The following FBXL20 variants were observed in gnomAD, a reference collection of about 807,000 sequenced individuals.
The protein encoded by FBXL20 is F-box/LRR-repeat protein 20.
In FBXL20, 11 loss-of-function variants were observed where a neutral mutation model predicts 64.0. The observed-to-expected ratio is 0.17, with a 90% CI of 0.11 to 0.28. The LOEUF (loss-of-function observed/expected upper bound fraction) is 0.28, where lower values mean the gene tolerates loss of function less well. FBXL20 is among the 10% of genes least tolerant of loss of function. The probability of loss-of-function intolerance (pLI) is 1.00; values close to 1 mark genes in which losing one functional copy is unlikely to be tolerated. For synonymous variants in FBXL20, 184 were observed against 189.0 expected, an observed-to-expected ratio of 0.97 and a Z score of 0.22; for missense variants, 303 against 526.2, an observed-to-expected ratio of 0.58 and a Z score of 4.15.
At chr17:39,315,802 T>G (rs2047282163) in intron 2 of FBXL20, among the ~76,000 whole-genome samples, 1 of 128,132 alleles carries the variant, frequency 7.8e-6, no homozygotes, top group African/African-American at 2.7e-5. Context: ...GAAGAGGGGA[T>G]CTTTGAGAGA....
chr17:39,299,651 G>T (rs1010915373), intron 4 of FBXL20, among the ~76,000 whole-genome samples: 1 of 152,008 alleles, frequency 6.6e-6, no homozygotes, highest in African/African-American at 2.4e-5. Context: ...CGTGATGGTG[G>T]GTGCCTGTAG....
At chr17:39,281,300 T>C (rs1202516353) in intron 9 of FBXL20, 89 bp downstream of exon 9, 2 of 1,160,406 alleles carry the variant, frequency 1.7e-6, no homozygotes, top group African/African-American at 1.5e-5. Context: ...ACAATACTGG[T>C]CTTGATGACT....
chr17:39,402,064 G>T, upstream of FBXL20: 3 of 1,001,756 alleles, frequency 3.0e-6, no homozygotes, highest in Non-Finnish European at 3.9e-6. Flanking sequence ...TGCCTGCACA[G>T]AACCTCAGCC....
chr17:39,386,477 A>G (rs535683287), intron 1 of FBXL20, among the ~76,000 whole-genome samples: 2 of 151,958 alleles, frequency 1.3e-5, no homozygotes, highest in East Asian at 3.9e-4. Context: ...TACAAAAATT[A>G]GCTGGAAGTG....
intron 6 of FBXL20, among the ~76,000 whole-genome samples, chr17:39,291,172 A>G (rs1340756696): frequency 1.3e-5 from 2 of 151,714 alleles, no homozygotes; most frequent in African/African-American, 4.8e-5. Context: ...CATGTTAGCC[A>G]GGATGGTCTC....
intron 2 of FBXL20, among the ~76,000 whole-genome samples, chr17:39,315,877 G>A (rs1455670287): frequency 1.4e-5 from 2 of 146,870 alleles, no homozygotes; most frequent in African/African-American, 2.5e-5. Flanking sequence ...GAGAGCAACT[G>A]TAGAGCGAAA....
intron 6 of FBXL20, among the ~76,000 whole-genome samples, chr17:39,290,868 G>A (rs999912450): frequency 6.6e-6 from 1 of 152,020 alleles, no homozygotes; most frequent in Admixed American, 6.6e-5. Flanking sequence ...CAGCCTGTGC[G>A]TGTTCTTTCT....
rs774192936 is a variant in FBXL20 at position 39,301,031 on chromosome 17, A to G, written c.204T>C (p.Ile68=). 7.4e-6 allele frequency: 12 copies of G among 1,613,932 alleles called. No homozygotes were observed. In the African/African-American group the frequency reaches 1.6e-4, roughly 22 times the overall value. ...LALDGSNWQR[I]DLFDFQRDIE... is the part of the protein sequence containing the mutation. ...TATCCCTCTGGAAATCAAATAGGTC[A>G]ATTCGCTGCCAGTTACTGCCATCCA... The change falls in exon 4 of 15, where the codon ATT becomes ATC. Residue 68 remains isoleucine, a synonymous_variant. Coordinates refer to ENST00000264658, the MANE Select transcript of FBXL20 (RefSeq NM_032875.3).
intron 7 of FBXL20, among the ~76,000 whole-genome samples, chr17:39,284,309 A>G (rs1307152849): frequency 6.6e-6 from 1 of 152,254 alleles, no homozygotes; most frequent in African/African-American, 2.4e-5. Context: ...CGTCTTAGGT[A>G]CATGTGTTCA....
intron 2 of FBXL20, 81 bp from the exon 3 acceptor site, chr17:39,303,720 T>A: frequency 8.0e-7 from 1 of 1,257,652 alleles, no homozygotes; most frequent in Non-Finnish European, 1.1e-6. Context: ...AGGGTCTCAC[T>A]CTGTCAGCCA....
chr17:39,341,843 C>G (rs2144568712), intron 2 of FBXL20, among the ~76,000 whole-genome samples: 1 of 152,312 alleles, frequency 6.6e-6, no homozygotes, highest in South Asian at 2.1e-4. Context: ...TCGAACTTCA[C>G]TTGTAATGTC....
chr17:39,312,871 C>T (rs1388563226), intron 2 of FBXL20, among the ~76,000 whole-genome samples: 8 of 149,482 alleles, frequency 5.4e-5, no homozygotes, highest in African/African-American at 9.9e-5. Context: ...CCACTGTGCC[C>T]GGCCTAAATT....
At chr17:39,264,040 C>A (rs2046770870) in intron 14 of FBXL20, 135 bp downstream of exon 14, 4 of 999,978 alleles carry the variant, frequency 4.0e-6, no homozygotes, top group Non-Finnish European at 5.8e-6. Context: ...TAGGTTTGCA[C>A]TTTTTTCTCT....
chr17:39,320,515 A>C (rs2047345017), intron 2 of FBXL20, among the ~76,000 whole-genome samples: 1 of 152,146 alleles, frequency 6.6e-6, no homozygotes, highest in Non-Finnish European at 1.5e-5. Context: ...TTTTGAATAT[A>C]ACTTGTATTA....
intron 9 of FBXL20, among the ~76,000 whole-genome samples, chr17:39,278,179 T>C (rs150170873): frequency 5.3e-4 from 80 of 152,334 alleles, no homozygotes; most frequent in Middle Eastern, 3.4e-3. Context: ...AGAGTCTCGC[T>C]CTGCTGCCCA....
rs1426503581 is a variant in FBXL20 at position 39,261,310 on chromosome 17, G to T, written c.*150C>A. ...TGGGGGTAAGGGTGTGTATGTGTATGTATGTGTGGCTCTGGGGATCTGGAC... is the reference window on the plus strand; with the variant it reads ...TGGGGGTAAGGGTGTGTATGTGTATTTATGTGTGGCTCTGGGGATCTGGAC... On this transcript the variant is annotated 3_prime_UTR_variant, in exon 15 of 15. Transcript: ENST00000264658. 3 of 686,284 alleles carry T rather than the reference G, an allele frequency of 4.4e-6. No homozygotes were observed. The highest frequency in any genetic ancestry group is 8.0e-6 in the Non-Finnish European group (3 of 375,584). 42.5% of individuals were successfully genotyped at this position (686,284 alleles called of 1,614,324 possible).
intron 2 of FBXL20, among the ~76,000 whole-genome samples, chr17:39,332,698 G>A (rs1429089910): frequency 1.3e-5 from 2 of 151,082 alleles, no homozygotes; most frequent in Non-Finnish European, 3.0e-5. Context: ...CCCGCCACCA[G>A]GCCTGGCTAA....
chr17:39,274,072 G>A (rs961620477), intron 10 of FBXL20, among the ~76,000 whole-genome samples: 7 of 151,668 alleles, frequency 4.6e-5, no homozygotes, highest in African/African-American at 1.5e-4. Context: ...ACAGGGTTTC[G>A]CCATGTTGCC....
At chr17:39,290,964 A>ACT (rs35877504) in intron 6 of FBXL20, among the ~76,000 whole-genome samples, 84 of 144,062 alleles carry the variant, frequency 5.8e-4, no homozygotes, top group African/African-American at 1.7e-3. Context: ...TCCATTCTGT[A>ACT]TTTTTTTTTT....
Sources: gnomAD v4.1 joint callset for allele counts (sites outside exome capture counted in the v4.1 genomes callset) on GRCh38, gnomAD v4.1.1 for gene constraint, MANE v1.5 for transcripts, NCBI Gene and HGNC (gene_info 2026-07-23, HGNC 2026-07-21) for gene names.